The following ADAMTSL2 variants were observed in gnomAD, a reference collection of about 807,000 sequenced individuals.
ADAMTSL2 encodes ADAMTS like 2.
Under a neutral mutation model 117.0 loss-of-function variants are expected in ADAMTSL2, and 55 were observed. The observed-to-expected ratio is 0.47, with a 90% CI of 0.38 to 0.59. The LOEUF is 0.59. ADAMTSL2 is among the 20% of genes least tolerant of loss of function. The pLI, the probability that ADAMTSL2 is intolerant of heterozygous loss-of-function variation, is 0.00. For synonymous variants in ADAMTSL2, 572 were observed against 566.4 expected (o/e 1.01, Z -0.14); for missense variants, 1,182 against 1,354.5 (o/e 0.87, Z 2.00).
At chr9:133,543,369 A>C (rs1830270804) in intron 7 of ADAMTSL2, among the ~76,000 whole-genome samples, 1 of 152,240 alleles carries the variant, frequency 6.6e-6, no homozygotes, top group African/African-American at 2.4e-5. Flanking sequence ...AACCCAAAGA[A>C]GGGGAAAAAT....
Position 133,539,831 on chromosome 9 carries a change from G to A in ADAMTSL2, c.370G>A (p.Val124Met), listed in dbSNP as rs372221527. 227 of 1,550,958 alleles carry A rather than the reference G, an allele frequency of 1.5e-4. No individual in the cohort carries two copies. Among genetic ancestry groups the A allele is most frequent in the Admixed American group, 1.8e-4 (9 of 50,996 alleles). Reference sequence around the variant, plus strand: ...GCAGTGCGTCTCCTTCAACTCCCACGTGTACAACGGGCGGACGCACCAGTG... The same window carrying A: ...GCAGTGCGTCTCCTTCAACTCCCACATGTACAACGGGCGGACGCACCAGTG... The part of the protein sequence containing the change: ...EEQCVSFNSH[V>M]YNGRTHQWKP... Residue 124 changes from valine (V) to methionine (M), a missense_variant, in exon 5 of 19, where the codon GTG (valine) becomes ATG (methionine). Physicochemically the swap from Val to Met is conservative, Grantham distance 21 (BLOSUM62 1). Coordinates refer to ENST00000651351, the MANE Select transcript of ADAMTSL2 (RefSeq NM_014694.4).
chr9:133,534,478 T>A (rs1829999923), upstream of ADAMTSL2: 5 of 381,592 alleles, frequency 1.3e-5, no homozygotes, highest in Non-Finnish European at 1.8e-5. Flanking sequence ...GGCCCCCAGT[T>A]CTGGACCCGG....
Position 133,555,750 on chromosome 9 carries a change from C to G in ADAMTSL2, c.1469C>G (p.Ser490Cys), listed in dbSNP as rs1355826359. The change falls in exon 11 of 19, where the codon TCC becomes TGC. Residue 490 changes from serine (S) to cysteine (C), a missense_variant. Physicochemically the swap from Ser to Cys is moderately radical, Grantham distance 112. Transcript: ENST00000651351. ...SIFAQGAPRS[S>C]LAESFFVDYE... The stretch of plus-strand genomic sequence containing the variant: ...TTTGCACAGGGCGCCCCAAGGAGCT[C>G]CCTGGCCGAGAGCTTCTTCGTGGAT... The G allele has an allele frequency of 6.2e-7, 1 of 1,614,038 alleles. No homozygotes were observed. The highest frequency in any genetic ancestry group is 2.2e-5 in the East Asian group (1 of 44,882).
intron 5 of ADAMTSL2, 72 bp downstream of exon 5, chr9:133,539,945 G>GGACCA: frequency 7.1e-7 from 1 of 1,410,400 alleles, no homozygotes; most frequent in Non-Finnish European, 9.8e-7. Context: ...CCGGCACCTG[G>GGACCA]GACCAAACTC....
chr9:133,568,763 GGCCT>G lies in ADAMTSL2; in HGVS notation c.2244+8_2244+11del. The G allele has an allele frequency of 5.0e-6, 8 of 1,612,956 alleles. No homozygotes were observed. The South Asian group carries it at 8.8e-5, about 18-fold the overall frequency. On this transcript the variant is annotated splice_donor_region_variant and intron_variant, in intron 15 of 18. Transcript: ENST00000651351. ...ACCGTCTCCGACTGGGGACCGGTGA[GGCCT>G]GCACTGAGGGGTGGCTGGGCGTGCG...
At chr9:133,539,653 ACGGCTGTCCCGGCTGTCC>A (rs59145683) in intron 4 of ADAMTSL2, 100 bp from the exon 5 acceptor site, 60 of 687,782 alleles carry the variant, frequency 8.7e-5, no homozygotes, top group African/African-American at 1.3e-4. Context: ...TGGCCCCCGC[ACGGCTGTCCCGGCTGTCC>A]CGGCTGTCCC....
Position 133,540,930 on chromosome 9 carries a change from G to T in ADAMTSL2, c.611G>T (p.Gly204Val). 6.2e-7 allele frequency: 1 copy of T among 1,613,412 alleles called. No individual in the cohort carries two copies. Among genetic ancestry groups the T allele is most frequent in the Non-Finnish European group, 8.5e-7 (1 of 1,180,026 alleles). The change falls in exon 7 of 19, where the codon GGC (glycine) becomes GTC (valine). Residue 204 changes from glycine (G) to valine (V), a missense_variant. Gly to Val is a moderately radical substitution (Grantham distance 109, BLOSUM62 -3). Around this residue, in one of 3 missense-constraint regions of ADAMTSL2, gnomAD observed 372 missense variants for 463.4 expected, o/e 0.80. Transcript: ENST00000651351. ...TCCACCCACACACTGGACAAGTGTG[G>T]CATCTGCCAGGGGGACGGTAGCAGC... Reference protein sequence around the residue: ...LFSTHTLDKCGICQGDGSSCT... With the variant: ...LFSTHTLDKCVICQGDGSSCT...
At chr9:133,555,161 C>A (rs1179486503) in intron 10 of ADAMTSL2, among the ~76,000 whole-genome samples, 6 of 152,168 alleles carry the variant, frequency 3.9e-5, no homozygotes, top group Non-Finnish European at 5.9e-5. Context: ...GCCTCCTCCT[C>A]TGTGCCGGTG....
intron 6 of ADAMTSL2, 23 bp downstream of exon 6, chr9:133,540,766 G>A: frequency 1.2e-6 from 2 of 1,613,658 alleles, no homozygotes; most frequent in Non-Finnish European, 1.7e-6. Context: ...TGTAGCAAAA[G>A]TACCGCCGGT....
Position 133,540,709 on chromosome 9 carries a change from A to T in ADAMTSL2, c.524A>T (p.Asp175Val). 1.9e-6 allele frequency: 3 copies of T among 1,613,874 alleles called. No homozygotes were observed. In the East Asian group the frequency reaches 6.7e-5, roughly 36 times the overall value. The change falls in exon 6 of 19, where the codon GAC becomes GTC. Residue 175 changes from aspartate (D) to valine (V), a missense_variant. By Grantham distance (152) the Asp-to-Val change is radical. Coordinates refer to ENST00000651351, the MANE Select transcript of ADAMTSL2 (RefSeq NM_014694.4). ...GACGGCACATCCTGCAAGCTCACTG[A>T]CCTGCGAGGGGTTTGCGTGTCTGGA... ...ARDGTSCKLT[D>V]LRGVCVSGKC...
intron 17 of ADAMTSL2, among the ~76,000 whole-genome samples, chr9:133,573,340 G>A (rs113343227): frequency 0.01 from 1,551 of 152,320 alleles, 32 homozygotes; most frequent in African/African-American, 0.035. Flanking sequence ...ACTGGAGGGG[G>A]TGGTGACTTC....
intron 9 of ADAMTSL2, among the ~76,000 whole-genome samples, chr9:133,548,919 C>T (rs947227044): frequency 6.6e-6 from 1 of 152,210 alleles, no homozygotes; most frequent in Non-Finnish European, 1.5e-5. Context: ...TCTCAGGGAG[C>T]CTTACAGGAG....
rs1830652849 is a variant in ADAMTSL2 at position 133,558,310 on chromosome 9, A to G, written c.1649+2380A>G. ...AGGGCAGAGGGAGGCGGCGGGGGAA[A>G]CCACCAGGCCAAAATAGCCACGTCT... On this transcript the variant is annotated intron_variant, in intron 11 of 18. Transcript: ENST00000651351. This position sits in a 1 kb window ranked among gnomAD's most constrained non-coding sequence, Gnocchi z 4.3. Among the ~76,000 whole-genome samples the G allele has an allele frequency of 6.6e-6, 1 of 152,194 alleles. No homozygotes were observed.
rs1336517585 is a variant in ADAMTSL2 at position 133,537,558 on chromosome 9, G to A, written c.233+11G>A. 8.2e-6 allele frequency: 11 copies of A among 1,344,068 alleles called. No individual in the cohort carries two copies. Among genetic ancestry groups the A allele is most frequent in the Non-Finnish European group, 1.1e-5 (11 of 1,038,828 alleles). The allele number at this position is 1,344,068 out of a possible 1,614,324, so 83.3% of individuals were successfully genotyped here. On this transcript the variant is annotated intron_variant, in intron 3 of 18. Coordinates refer to ENST00000651351, the MANE Select transcript of ADAMTSL2 (RefSeq NM_014694.4). ...CTGCCTGCAGCAGAGGTGCGAGGTT[G>A]GGCACGTGGCCCTGAGGGGATGGCA... is the stretch of plus-strand genomic sequence containing the variant.
chr9:133,535,059 G>T, intron 1 of ADAMTSL2, 142 bp downstream of exon 1: 1 of 1,282,094 alleles, frequency 7.8e-7, no homozygotes, highest in Non-Finnish European at 9.9e-7. Context: ...GAGGGGTCGG[G>T]CCGCAGAGCA....
chr9:133,552,377 C>T (rs1830507327), intron 9 of ADAMTSL2, among the ~76,000 whole-genome samples: 1 of 152,294 alleles, frequency 6.6e-6, no homozygotes, highest in East Asian at 1.9e-4. Context: ...ACCAAGACCT[C>T]TGGCACCAGT....
chr9:133,547,682 G>A lies in ADAMTSL2; in HGVS notation c.939+469G>A, dbSNP rs145418535. 2.7e-3 allele frequency among the ~76,000 whole-genome samples: 407 copies of A among 152,282 alleles called. 1 individual carries two copies. Among genetic ancestry groups the A allele is most frequent in the African/African-American group, 9.1e-3 (378 of 41,560 alleles). On this transcript the variant is annotated intron_variant, in intron 9 of 18. Transcript: ENST00000651351. ...GAGGCTGGACCCCTCCCTACCCCAC[G>A]GTGGAGGGGTTTATGCCCCTACCTA...
intron 1 of ADAMTSL2, 78 bp from the exon 2 acceptor site, chr9:133,536,485 A>G (rs1830054662): frequency 6.8e-7 from 1 of 1,477,556 alleles, no homozygotes; most frequent in Non-Finnish European, 9.0e-7. Flanking sequence ...TCTTGCCTGA[A>G]GCAGGCATTA....
chr9:133,574,302 A>G (rs907718896), intron 18 of ADAMTSL2, among the ~76,000 whole-genome samples: 1 of 152,198 alleles, frequency 6.6e-6, no homozygotes, highest in Admixed American at 6.5e-5. Flanking sequence ...ACCTGAATCC[A>G]GGATGACTCA....
Sources: gnomAD v4.1 joint callset for allele counts (sites outside exome capture counted in the v4.1 genomes callset) on GRCh38, gnomAD v4.1.1 for gene constraint, gnomAD v4.1.1 regional missense constraint, Gnocchi (gnomAD v3.1) non-coding constraint, MANE v1.5 for transcripts, NCBI Gene and HGNC (gene_info 2026-07-23, HGNC 2026-07-21) for gene names.